The following LRGUK variants were observed in gnomAD, a reference collection of about 807,000 sequenced individuals.
LRGUK encodes the protein leucine-rich repeat and guanylate kinase domain-containing protein.
In LRGUK, 65 loss-of-function variants were observed where a neutral mutation model predicts 76.0. The ratio of observed to expected loss-of-function variants is 0.85; its 90% CI spans 0.70 to 1.05. LRGUK has a LOEUF of 1.05. LRGUK is among the 50% of genes least tolerant of loss of function. LRGUK has a pLI of 0.00. For missense variants in LRGUK, 758 were observed against 732.8 expected (o/e 1.03, Z -0.40); for synonymous variants, 268 against 265.6 (o/e 1.01, Z -0.09).
intron 12 of LRGUK, among the ~76,000 whole-genome samples, chr7:134,194,722 C>T (rs1800409553): frequency 6.6e-6 from 1 of 152,110 alleles, no homozygotes; most frequent in Non-Finnish European, 1.5e-5. Flanking sequence ...GCCTGTGTAA[C>T]ACAGCAAGAC....
chr7:134,247,319 G>A (rs1203198808), intron 16 of LRGUK, among the ~76,000 whole-genome samples: 3 of 152,066 alleles, frequency 2.0e-5, no homozygotes, highest in African/African-American at 7.2e-5. Flanking sequence ...TTATTATTTA[G>A]ATGTCAAATA....
chr7:134,130,913 T>C (rs1430694920), intron 1 of LRGUK, among the ~76,000 whole-genome samples: 2 of 152,208 alleles, frequency 1.3e-5, no homozygotes, highest in African/African-American at 4.8e-5. Flanking sequence ...TAATAATACT[T>C]AAAGAATTGT....
exon 16 of LRGUK, chr7:134,210,081 G>A: frequency 2.5e-6 from 1 of 399,238 alleles, no homozygotes; most frequent in Non-Finnish European, 4.4e-6. Context: ...ACAGGGGCTA[G>A]GGAAAAAAAG....
chr7:134,142,224 T>C (rs556011202), intron 3 of LRGUK, among the ~76,000 whole-genome samples: 1 of 152,216 alleles, frequency 6.6e-6, no homozygotes, highest in African/African-American at 2.4e-5. Flanking sequence ...AATGCTAGCA[T>C]TGTTGCCATT....
intron 16 of LRGUK, among the ~76,000 whole-genome samples, chr7:134,224,821 G>C (rs1169082536): frequency 1.3e-5 from 2 of 152,132 alleles, no homozygotes; most frequent in Non-Finnish European, 2.9e-5. Flanking sequence ...GGGAGGCTGA[G>C]GTGGGCAGAT....
At chr7:134,142,430 TCTTTA>T (rs1281046889) in intron 3 of LRGUK, among the ~76,000 whole-genome samples, 8 of 152,356 alleles carry the variant, frequency 5.3e-5, no homozygotes, top group African/African-American at 1.9e-4. Context: ...GCACAGTAGT[TCTTTA>T]CTTAGTGTTC....
At chr7:134,187,128 T>C (rs138600510) in intron 11 of LRGUK, among the ~76,000 whole-genome samples, 4 of 152,140 alleles carry the variant, frequency 2.6e-5, no homozygotes, top group African/African-American at 9.7e-5. Context: ...CTTTATCCAT[T>C]GAGAAAGTAA....
At position 134,209,450 on chromosome 7, in the gene LRGUK, G is replaced by T; in HGVS notation, c.2587G>T (p.Glu863Ter). The change falls in exon 16 of 16, where the codon GAA becomes TAA. Residue 863 changes from glutamate to a stop codon, truncating the protein, a stop_gained. Coordinates refer to ENST00000645682, the Ensembl canonical transcript of LRGUK. LOFTEE classifies it low-confidence loss of function (END_TRUNC). ...CATCCGAGTCAGTATCCCTCACCCA[G>T]AACTGCCACATCCCCAAGACTTAGC... 2.5e-6 allele frequency: 1 copy of T among 399,012 alleles called. No homozygotes were observed. The highest frequency in any genetic ancestry group is 4.4e-6 in the Non-Finnish European group (1 of 226,154). The allele number at this position is 399,012 out of a possible 1,614,324, so 24.7% of individuals were successfully genotyped here. A position where few individuals can be genotyped will look rare whatever the true frequency, so the allele number is the denominator to read the frequency against.
intron 15 of LRGUK, among the ~76,000 whole-genome samples, chr7:134,218,165 G>T (rs911765980): frequency 6.6e-5 from 10 of 152,168 alleles, no homozygotes; most frequent in African/African-American, 2.4e-4. Context: ...TTTTGCCAAT[G>T]TTGGCCAGGC....
At chr7:134,221,440 C>A (rs1483375375) in intron 15 of LRGUK, among the ~76,000 whole-genome samples, 3 of 152,124 alleles carry the variant, frequency 2.0e-5, no homozygotes, top group African/African-American at 7.2e-5. Flanking sequence ...TTTGGACTTT[C>A]ATCAAATGAA....
At chr7:134,266,633 AAT>A (rs775224680), downstream of LRGUK, among the ~76,000 whole-genome samples, 3 of 152,236 alleles carry the variant, frequency 2.0e-5, no homozygotes, top group African/African-American at 4.8e-5. Flanking sequence ...ACTGAAAAAC[AAT>A]ATGAGTCCCA....
chr7:134,240,945 G>GC (rs1253028615), intron 16 of LRGUK, among the ~76,000 whole-genome samples: 1 of 152,138 alleles, frequency 6.6e-6, no homozygotes, highest in Admixed American at 6.5e-5. Context: ...TTCATATCCA[G>GC]CCAAACTAAG....
intron 18 of LRGUK, among the ~76,000 whole-genome samples, chr7:134,251,633 A>G (rs951862674): frequency 2.2e-4 from 34 of 152,140 alleles, no homozygotes; most frequent in African/African-American, 8.0e-4. Context: ...CTATGTATGT[A>G]TTTAATTTAT....
intron 5 of LRGUK, 134 bp downstream of exon 5, chr7:134,148,453 G>T (rs1222408): frequency 1 from 599,661 of 600,718 alleles, 299,317 homozygotes; most frequent in East Asian, 1. Flanking sequence ...CTTATTTAAA[G>T]GACTAGGAAT....
intron 4 of LRGUK, among the ~76,000 whole-genome samples, chr7:134,144,421 A>G (rs112912364): frequency 0.13 from 19,614 of 152,038 alleles, 1,566 homozygotes; most frequent in East Asian, 0.32. Flanking sequence ...TTACAGGTGT[A>G]AGCCACCACG....
intron 16 of LRGUK, among the ~76,000 whole-genome samples, chr7:134,241,494 A>G (rs1001861964): frequency 1.7e-4 from 26 of 152,250 alleles, no homozygotes; most frequent in Non-Finnish European, 5.9e-5. Context: ...CAATTCAACA[A>G]GAAGAGCTAA....
intron 3 of LRGUK, among the ~76,000 whole-genome samples, chr7:134,142,117 C>T (rs79772440): frequency 0.13 from 19,730 of 152,076 alleles, 1,606 homozygotes; most frequent in East Asian, 0.32. Context: ...CGCTTGGCTT[C>T]GGGTGAGGAG....
chr7:134,245,129 TAC>T (rs1488400968), intron 16 of LRGUK, among the ~76,000 whole-genome samples: 1 of 152,178 alleles, frequency 6.6e-6, no homozygotes, highest in African/African-American at 2.4e-5. Context: ...GGCACATGTA[TAC>T]ATATGTAACA....
At chr7:134,179,793 G>A (rs1799658682) in intron 10 of LRGUK, among the ~76,000 whole-genome samples, 1 of 152,228 alleles carries the variant, frequency 6.6e-6, no homozygotes, top group Admixed American at 6.5e-5. Flanking sequence ...TTCCAGGGTG[G>A]AGTGGCATTC....
Sources: allele counts gnomAD v4.1 joint callset (sites outside exome capture counted in the v4.1 genomes callset), GRCh38; gene constraint gnomAD v4.1.1; transcripts MANE v1.5; gene names NCBI Gene and HGNC (gene_info 2026-07-23, HGNC 2026-07-21).